The following CAMK2D variants were observed in gnomAD, a reference collection of about 807,000 sequenced individuals.
CAMK2D encodes calcium/calmodulin-dependent protein kinase type II subunit delta.
Under a neutral mutation model 84.0 loss-of-function variants are expected in CAMK2D, and 37 were observed. The observed-to-expected ratio is 0.44, with a 90% CI of 0.34 to 0.58. CAMK2D has a LOEUF of 0.58. CAMK2D is among the 20% of genes least tolerant of loss of function. CAMK2D has a pLI of 0.02. For missense variants in CAMK2D, 448 were observed against 652.5 expected, an observed-to-expected ratio of 0.69 and a Z score of 3.41; for synonymous variants, 202 against 212.5, an observed-to-expected ratio of 0.95 and a Z score of 0.43.
Position 113,761,142 on chromosome 4 carries a change from C to A in CAMK2D, c.-74G>T, listed in dbSNP as rs974517774. 4.4e-6 allele frequency: 7 copies of A among 1,605,948 alleles called. No homozygotes were observed. Among genetic ancestry groups the A allele is most frequent in the Non-Finnish European group, 5.9e-6 (7 of 1,178,228 alleles). ...AGCAGACGCGCGGCTAACCCCGGGA[C>A]TGGCCCCGCGGCGCTGTCACCCAGG... On this transcript the variant is annotated 5_prime_UTR_variant, in exon 1 of 21. Coordinates refer to ENST00000511664, the MANE Select transcript of CAMK2D (RefSeq NM_001321571.2).
Position 113,648,015 on chromosome 4 carries a change from G to A in CAMK2D, c.220+13698C>T, listed in dbSNP as rs113404835. 7.0e-3 allele frequency among the ~76,000 whole-genome samples: 1,069 copies of A among 152,236 alleles called. 8 individuals are homozygous for A. Among genetic ancestry groups the A allele is most frequent in the African/African-American group, 0.02 (827 of 41,556 alleles). On this transcript the variant is annotated intron_variant, in intron 3 of 20. Transcript: ENST00000511664. Reference sequence around the variant, plus strand: ...ATTTGGGAGAAGGAGATTGGCAGAAGGAAATAATGACCTTCAAAATAGTAA... The same window carrying A: ...ATTTGGGAGAAGGAGATTGGCAGAAAGAAATAATGACCTTCAAAATAGTAA...
chr4:113,691,694 A>C (rs1025584655), intron 2 of CAMK2D, among the ~76,000 whole-genome samples: 1 of 152,138 alleles, frequency 6.6e-6, no homozygotes, highest in African/African-American at 2.4e-5. Flanking sequence ...CAGAAGTTGC[A>C]GTGAGCTGAG....
At chr4:113,736,269 C>T (rs987806229) in intron 2 of CAMK2D, among the ~76,000 whole-genome samples, 10 of 152,046 alleles carry the variant, frequency 6.6e-5, no homozygotes, top group African/African-American at 2.4e-4. Flanking sequence ...TTCTTCAATG[C>T]TGGTATATTT....
intron 4 of CAMK2D, among the ~76,000 whole-genome samples, chr4:113,561,409 G>A (rs1264661858): frequency 6.6e-6 from 1 of 152,144 alleles, no homozygotes; most frequent in African/African-American, 2.4e-5. Flanking sequence ...AGAGGGTAGA[G>A]GTTGTAGTGA....
At chr4:113,652,723 T>C (rs2099179931) in intron 3 of CAMK2D, among the ~76,000 whole-genome samples, 1 of 152,166 alleles carries the variant, frequency 6.6e-6, no homozygotes, top group Non-Finnish European at 1.5e-5. Flanking sequence ...TAGGGGATTC[T>C]ACCCTGAATG....
chr4:113,485,846 C>T (rs1027475178), intron 16 of CAMK2D, among the ~76,000 whole-genome samples: 4 of 152,202 alleles, frequency 2.6e-5, no homozygotes, highest in Admixed American at 2.0e-4. Flanking sequence ...GCATTTCATT[C>T]TTCAGTAATA....
At chr4:113,738,900 A>T (rs2099587002) in intron 2 of CAMK2D, among the ~76,000 whole-genome samples, 1 of 152,154 alleles carries the variant, frequency 6.6e-6, no homozygotes, top group East Asian at 1.9e-4. Flanking sequence ...ATATACATCA[A>T]ATTTTAAATA....
intron 16 of CAMK2D, among the ~76,000 whole-genome samples, chr4:113,480,316 G>A (rs1032380601): frequency 1.3e-5 from 2 of 152,030 alleles, no homozygotes; most frequent in African/African-American, 4.8e-5. Flanking sequence ...TGGTTTACAT[G>A]AGCAGTCAGA....
chr4:113,558,627 T>G (rs957396098), intron 4 of CAMK2D, among the ~76,000 whole-genome samples: 1 of 152,186 alleles, frequency 6.6e-6, no homozygotes, highest in African/African-American at 2.4e-5. Context: ...CTTCTGTGGA[T>G]AGTGAGGAAC....
chr4:113,457,608 A>C (rs758972831), intron 18 of CAMK2D, 45 bp from the exon 19 acceptor site: 3 of 1,511,528 alleles, frequency 2.0e-6, no homozygotes, highest in Non-Finnish European at 1.8e-6. Context: ...TTCTATGTAA[A>C]GGAAACTAAA....
chr4:113,565,561 G>A (rs1001569051), intron 4 of CAMK2D, among the ~76,000 whole-genome samples: 7 of 150,850 alleles, frequency 4.6e-5, no homozygotes, highest in Non-Finnish European at 7.4e-5. Flanking sequence ...TGAGGTAGGA[G>A]AATCGCTCGA....
chr4:113,535,440 C>T (rs1210081237), intron 7 of CAMK2D, among the ~76,000 whole-genome samples: 1 of 152,154 alleles, frequency 6.6e-6, no homozygotes, highest in East Asian at 1.9e-4. Flanking sequence ...ATGCTTAAAT[C>T]ATCTTCTATA....
chr4:113,563,544 C>T (rs2098708525), intron 4 of CAMK2D, among the ~76,000 whole-genome samples: 1 of 152,136 alleles, frequency 6.6e-6, no homozygotes, highest in African/African-American at 2.4e-5. Flanking sequence ...TTTTGCTGGA[C>T]CCTAAGAAGG....
intron 2 of CAMK2D, chr4:113,677,649 G>GAA: frequency 3.0e-6 from 1 of 331,080 alleles, no homozygotes; most frequent in Non-Finnish European, 4.3e-6. Context: ...CCTTGGATAA[G>GAA]AACTGAGTAG....
At chr4:113,712,510 C>G (rs1241990676) in intron 2 of CAMK2D, among the ~76,000 whole-genome samples, 1 of 152,028 alleles carries the variant, frequency 6.6e-6, no homozygotes, top group African/African-American at 2.4e-5. Context: ...AGCTATATAC[C>G]ATTACTTCAT....
At chr4:113,596,117 TAGG>T (rs1382430247) in intron 4 of CAMK2D, among the ~76,000 whole-genome samples, 3 of 152,348 alleles carry the variant, frequency 2.0e-5, no homozygotes, top group Non-Finnish European at 4.4e-5. Flanking sequence ...GTATTTTCAC[TAGG>T]AGTAGATTCC....
intron 3 of CAMK2D, among the ~76,000 whole-genome samples, chr4:113,617,649 A>G (rs1346818235): frequency 6.7e-6 from 1 of 149,384 alleles, no homozygotes; most frequent in Non-Finnish European, 1.5e-5. Flanking sequence ...TACTTCTGTA[A>G]GGAAAAACAG....
chr4:113,604,034 G>A (rs2098967262), intron 4 of CAMK2D, among the ~76,000 whole-genome samples: 1 of 151,908 alleles, frequency 6.6e-6, no homozygotes, highest in Non-Finnish European at 1.5e-5. Context: ...TTCATTAGAA[G>A]AAGACTCAAT....
At chr4:113,755,632 G>A (rs545186029) in intron 2 of CAMK2D, among the ~76,000 whole-genome samples, 4 of 151,568 alleles carry the variant, frequency 2.6e-5, no homozygotes, top group African/African-American at 9.7e-5. Context: ...TAAATCACAG[G>A]TACTATTTCT....
Sources: allele counts gnomAD v4.1 joint callset (sites outside exome capture counted in the v4.1 genomes callset), GRCh38; gene constraint gnomAD v4.1.1; transcripts MANE v1.5; gene names NCBI Gene and HGNC (gene_info 2026-07-23, HGNC 2026-07-21).